Variants in GRIK2 observed in about 807,000 individuals in gnomAD.
GRIK2 encodes glutamate receptor ionotropic, kainate 2.
Under a neutral mutation model 100.3 loss-of-function variants are expected in GRIK2, and 32 were observed. The ratio of observed to expected loss-of-function variants is 0.32; its 90% CI spans 0.24 to 0.43. The LOEUF (loss-of-function observed/expected upper bound fraction) is 0.43, where lower values mean the gene tolerates loss of function less well. Among genes scored for constraint, GRIK2 ranks in the 20% least tolerant of loss-of-function variants. The pLI, the probability that GRIK2 is intolerant of heterozygous loss-of-function variation, is 1.00. For missense variants in GRIK2, 843 were observed against 1,114.9 expected (o/e 0.76, Z 3.47); for synonymous variants, 417 against 389.4 (o/e 1.07, Z -0.83).
At chr6:101,804,518 C>T (rs1379278701) in intron 9 of GRIK2, among the ~76,000 whole-genome samples, 1 of 151,930 alleles carries the variant, frequency 6.6e-6, no homozygotes, top group Non-Finnish European at 1.5e-5. Flanking sequence ...ATTAACTGAA[C>T]CATCAGCAAT....
chr6:101,467,887 AT>A (rs71028070), intron 2 of GRIK2, among the ~76,000 whole-genome samples: 154 of 141,826 alleles, frequency 1.1e-3, no homozygotes, highest in African/African-American at 1.7e-3. Context: ...GTCCTTCCTT[AT>A]TTTTTTTTTT....
chr6:101,740,784 G>C (rs867864785), intron 7 of GRIK2, among the ~76,000 whole-genome samples: 4 of 152,232 alleles, frequency 2.6e-5, no homozygotes, highest in Non-Finnish European at 4.4e-5. Flanking sequence ...GAAGCAAGAG[G>C]GGGTGGTGCC....
intron 14 of GRIK2, among the ~76,000 whole-genome samples, chr6:101,932,131 C>G (rs532488627): frequency 6.6e-6 from 1 of 151,816 alleles, no homozygotes; most frequent in Non-Finnish European, 1.5e-5. Flanking sequence ...AAAATGATAC[C>G]GAGTGCCCTT....
intron 7 of GRIK2, among the ~76,000 whole-genome samples, chr6:101,794,325 C>T (rs757768457): frequency 5.9e-5 from 9 of 151,948 alleles, no homozygotes; most frequent in East Asian, 1.9e-4. Context: ...AGCTGTAGAC[C>T]GGAGCTGTTC....
rs567284225 is a variant in GRIK2 at position 101,749,530 on chromosome 6, G to A, written c.952-50118G>A. ...TGGCCTAAAACCTGGTCTGAGGTCTGGTAATAAAGCCTGACATGTGCGTTT... is the reference window on the plus strand; with the variant it reads ...TGGCCTAAAACCTGGTCTGAGGTCTAGTAATAAAGCCTGACATGTGCGTTT... On this transcript the variant is annotated intron_variant, in intron 7 of 16. Coordinates refer to ENST00000369134, the MANE Select transcript of GRIK2 (RefSeq NM_021956.5). Among the ~76,000 whole-genome samples, 4 of 152,212 alleles carry A rather than the reference G, an allele frequency of 2.6e-5. No individual in the cohort carries two copies. The East Asian group carries it at 7.7e-4, about 29-fold the overall frequency.
At chr6:101,412,358 C>T (rs1459681723) in intron 2 of GRIK2, among the ~76,000 whole-genome samples, 1 of 151,976 alleles carries the variant, frequency 6.6e-6, no homozygotes, top group Non-Finnish European at 1.5e-5. Flanking sequence ...CGGTGAAACA[C>T]ATACGTTTGT....
At chr6:101,695,716 TAA>T (rs1772437795) in intron 7 of GRIK2, among the ~76,000 whole-genome samples, 1 of 152,088 alleles carries the variant, frequency 6.6e-6, no homozygotes, top group Non-Finnish European at 1.5e-5. Flanking sequence ...GAAAATATCA[TAA>T]GTCAGAAATG....
chr6:101,886,258 TC>T (rs1786606767), intron 11 of GRIK2, among the ~76,000 whole-genome samples: 1 of 152,194 alleles, frequency 6.6e-6, no homozygotes, highest in South Asian at 2.1e-4. Context: ...CCATGCTTTT[TC>T]ATGGCTTGAA....
intron 2 of GRIK2, among the ~76,000 whole-genome samples, chr6:101,538,655 G>C (rs1466155911): frequency 6.6e-6 from 1 of 151,012 alleles, no homozygotes; most frequent in African/African-American, 2.4e-5. Flanking sequence ...TGCTCTAAAG[G>C]ATCCTTGTCT....
In GRIK2 at chr6:101,487,899, GTTATT is replaced by G. The variant is rs758993931; in HGVS notation, c.115+88518_115+88522del. On this transcript the variant is annotated intron_variant, in intron 2 of 16. Coordinates refer to ENST00000369134, the MANE Select transcript of GRIK2 (RefSeq NM_021956.5). ...AATCACACATTAACCCTGAGTAAAT[GTTATT>G]TTATTTTATTAGCAGAAAAAATACT... Among the ~76,000 whole-genome samples the G allele has an allele frequency of 1.7e-4, 25 of 145,830 alleles. 1 individual carries two copies. Among genetic ancestry groups the G allele is most frequent in the African/African-American group, 5.5e-4 (21 of 38,232 alleles).
Position 101,707,850 on chromosome 6 carries a change from G to A in GRIK2, c.951+21497G>A, listed in dbSNP as rs116162930. On this transcript the variant is annotated intron_variant, in intron 7 of 16. Coordinates refer to ENST00000369134, the MANE Select transcript of GRIK2 (RefSeq NM_021956.5). ...AGATGAGAATTCATTGTTATTTTTC[G>A]TTATCATTGATCAGTAATATAGATG... Among the ~76,000 whole-genome samples the A allele has an allele frequency of 4.2e-3, 636 of 151,476 alleles. 3 individuals are homozygous for A. The highest frequency in any genetic ancestry group is 0.015 in the African/African-American group (607 of 41,332).
At chr6:101,593,301 C>G (rs1308110400) in intron 2 of GRIK2, among the ~76,000 whole-genome samples, 1 of 151,870 alleles carries the variant, frequency 6.6e-6, no homozygotes, top group Non-Finnish European at 1.5e-5. Context: ...ACTCTCTGCT[C>G]TAAGTTGATT....
intron 2 of GRIK2, among the ~76,000 whole-genome samples, chr6:101,410,888 G>A (rs138812945): frequency 1.4e-4 from 21 of 152,082 alleles, no homozygotes; most frequent in Non-Finnish European, 2.4e-4. Flanking sequence ...GTAAGGTGGA[G>A]GACAATCAGT....
chr6:101,889,620 T>TTTTTTTTTTTTTTTTTTTTTTA lies in GRIK2; in HGVS notation c.1525-19_1525-18insTTTTTTTTTTTTTTTTTTTTAT. The TTTTTTTTTTTTTTTTTTTTTTA allele has an allele frequency of 9.1e-7, 1 of 1,102,762 alleles. No homozygotes were observed. Among genetic ancestry groups the TTTTTTTTTTTTTTTTTTTTTTA allele is most frequent in the Non-Finnish European group, 1.3e-6 (1 of 781,222 alleles). The allele number at this position is 1,102,762 out of a possible 1,614,324, so 68.3% of individuals were successfully genotyped here. A position where few individuals can be genotyped will look rare whatever the true frequency, so the allele number is the denominator to read the frequency against. ...TTCTTTCTTTCTTTTTTTTTTTTTT[T>TTTTTTTTTTTTTTTTTTTTTTA]TGTTTGTTTCTGTCTACAGAAAGCT... On this transcript the variant is annotated intron_variant, in intron 11 of 16. Transcript: ENST00000369134.
At chr6:101,563,682 T>C (rs1323240862) in intron 2 of GRIK2, among the ~76,000 whole-genome samples, 1 of 152,160 alleles carries the variant, frequency 6.6e-6, no homozygotes, top group Non-Finnish European at 1.5e-5. Context: ...TACATTTTTG[T>C]GTAAAACATT....
intron 4 of GRIK2, among the ~76,000 whole-genome samples, chr6:101,674,169 C>T (rs979988430): frequency 1.3e-5 from 2 of 152,088 alleles, no homozygotes; most frequent in Admixed American, 1.3e-4. Flanking sequence ...GACTGGCTCT[C>T]GTATGACACC....
At chr6:101,755,670 A>C (rs2128387002) in intron 7 of GRIK2, among the ~76,000 whole-genome samples, 1 of 152,328 alleles carries the variant, frequency 6.6e-6, no homozygotes, top group Non-Finnish European at 1.5e-5. Context: ...ACACACTAAT[A>C]AAAACCTAAT....
At chr6:102,025,504 T>A (rs1456604735) in intron 14 of GRIK2, among the ~76,000 whole-genome samples, 1 of 151,128 alleles carries the variant, frequency 6.6e-6, no homozygotes, top group Non-Finnish European at 1.5e-5. Flanking sequence ...AAGGAATGTA[T>A]CAGCAAACAT....
At chr6:101,926,121 T>G (rs1420299587) in intron 13 of GRIK2, among the ~76,000 whole-genome samples, 6 of 151,256 alleles carry the variant, frequency 4.0e-5, no homozygotes, top group African/African-American at 1.5e-4. Context: ...GGCATCTCTT[T>G]CTAAATAACT....
Sources: gnomAD v4.1 joint callset for allele counts (sites outside exome capture counted in the v4.1 genomes callset) on GRCh38, gnomAD v4.1.1 for gene constraint, MANE v1.5 for transcripts, NCBI Gene and HGNC (gene_info 2026-07-23, HGNC 2026-07-21) for gene names.